Variants in KIAA0825 observed in about 807,000 individuals in gnomAD.
KIAA0825 encodes uncharacterized protein KIAA0825.
Under a neutral mutation model 147.6 loss-of-function variants are expected in KIAA0825, and 119 were observed. The observed-to-expected ratio is 0.81, with a 90% CI of 0.69 to 0.94. The LOEUF (loss-of-function observed/expected upper bound fraction) is 0.94, where lower values mean the gene tolerates loss of function less well. Among genes scored for constraint, KIAA0825 ranks in the 40% least tolerant of loss-of-function variants. KIAA0825 has a pLI of 0.00. For synonymous variants in KIAA0825, 470 were observed against 518.1 expected, an observed-to-expected ratio of 0.91 and a Z score of 1.26; for missense variants, 1,381 against 1,472.7, an observed-to-expected ratio of 0.94 and a Z score of 1.02.
intron 2 of KIAA0825, among the ~76,000 whole-genome samples, chr5:94,572,952 G>A (rs1271816996): frequency 1.3e-5 from 2 of 152,190 alleles, no homozygotes; most frequent in African/African-American, 2.4e-5. Context: ...AGCCAAATAT[G>A]AGTGACCATG....
intron 14 of KIAA0825, among the ~76,000 whole-genome samples, chr5:94,433,460 A>AG (rs1401794227): frequency 6.6e-6 from 1 of 152,342 alleles, no homozygotes; most frequent in African/African-American, 2.4e-5. Flanking sequence ...TACTATGAAA[A>AG]TTATCTACTA....
At chr5:94,384,346 C>G (rs1372071255) in intron 20 of KIAA0825, 22 bp downstream of exon 20, 3 of 1,541,218 alleles carry the variant, frequency 1.9e-6, no homozygotes, top group Non-Finnish European at 2.6e-6. Context: ...AACCAGACCC[C>G]CAAGGTCCCC....
intron 20 of KIAA0825, among the ~76,000 whole-genome samples, chr5:94,156,841 G>A (rs1767071507): frequency 6.6e-6 from 1 of 152,104 alleles, no homozygotes; most frequent in African/African-American, 2.4e-5. Context: ...TACTCATATT[G>A]AATGAAAGCA....
intron 12 of KIAA0825, among the ~76,000 whole-genome samples, chr5:94,459,533 G>A (rs768344717): frequency 3.3e-5 from 5 of 152,036 alleles, no homozygotes; most frequent in African/African-American, 7.2e-5. Context: ...CCATAACCTC[G>A]AAAGGCCTAA....
chr5:94,537,946 T>G (rs2151345674), intron 2 of KIAA0825, among the ~76,000 whole-genome samples: 1 of 152,320 alleles, frequency 6.6e-6, no homozygotes, highest in East Asian at 1.9e-4. Context: ...AACCTCAGCA[T>G]GGATACCTAA....
intron 2 of KIAA0825, among the ~76,000 whole-genome samples, chr5:94,550,710 C>T (rs906606093): frequency 7.9e-5 from 12 of 151,870 alleles, no homozygotes; most frequent in African/African-American, 2.2e-4. Flanking sequence ...GGCATGGTGG[C>T]GGGTGCCTGT....
At chr5:94,582,215 T>A (rs1333818438) in intron 2 of KIAA0825, among the ~76,000 whole-genome samples, 2 of 152,182 alleles carry the variant, frequency 1.3e-5, no homozygotes, top group Non-Finnish European at 2.9e-5. Flanking sequence ...TGCTGCAGTG[T>A]TGTGTAGAAG....
At chr5:94,508,365 T>C (rs73145045) in intron 5 of KIAA0825, among the ~76,000 whole-genome samples, 2,262 of 152,276 alleles carry the variant, frequency 0.015, 59 homozygotes, top group African/African-American at 0.052. Flanking sequence ...TTTAACAGTT[T>C]AATTTGGATA....
intron 18 of KIAA0825, among the ~76,000 whole-genome samples, chr5:94,387,828 C>T (rs1442845281): frequency 6.6e-6 from 1 of 152,128 alleles, no homozygotes; most frequent in Non-Finnish European, 1.5e-5. Flanking sequence ...AGAGGTAAAG[C>T]TGTGGGGAGG....
chr5:94,203,455 A>C (rs1771878889), intron 20 of KIAA0825, among the ~76,000 whole-genome samples: 1 of 152,238 alleles, frequency 6.6e-6, no homozygotes, highest in Admixed American at 6.5e-5. Context: ...CCATTTAAAA[A>C]GTGTTAATAT....
intron 20 of KIAA0825, among the ~76,000 whole-genome samples, chr5:94,239,567 C>T (rs114073403): frequency 8.5e-4 from 129 of 152,166 alleles, no homozygotes; most frequent in African/African-American, 2.9e-3. Context: ...CATTTTGCTA[C>T]TGCCTTACTC....
At chr5:94,344,658 G>C (rs1469964466) in intron 20 of KIAA0825, among the ~76,000 whole-genome samples, 1 of 152,168 alleles carries the variant, frequency 6.6e-6, no homozygotes, top group African/African-American at 2.4e-5. Flanking sequence ...AACCAAAGTT[G>C]TACAAGTTGT....
At chr5:94,614,288 G>A (rs918889081) in intron 1 of KIAA0825, among the ~76,000 whole-genome samples, 5 of 152,106 alleles carry the variant, frequency 3.3e-5, no homozygotes, top group African/African-American at 1.2e-4. Flanking sequence ...TCTGAGTGGT[G>A]GGGTCATGGG....
chr5:94,450,327 T>G (rs1214578990), intron 13 of KIAA0825, among the ~76,000 whole-genome samples: 2 of 148,790 alleles, frequency 1.3e-5, no homozygotes, highest in Non-Finnish European at 3.0e-5. Context: ...TTCCAATAAT[T>G]GTTAATTCCC....
chr5:94,617,062 T>C (rs1050820113), intron 1 of KIAA0825, among the ~76,000 whole-genome samples: 1 of 152,186 alleles, frequency 6.6e-6, no homozygotes, highest in Non-Finnish European at 1.5e-5. Context: ...ATAGAAATAA[T>C]ACAATTTTTG....
chr5:94,154,021 T>C lies in KIAA0825; in HGVS notation c.3814A>G (p.Ile1272Val), dbSNP rs574951491. The C allele has an allele frequency of 1.3e-6, 2 of 1,549,606 alleles. No homozygotes were observed. Among genetic ancestry groups the C allele is most frequent in the South Asian group, 1.2e-5 (1 of 83,998 alleles). The change falls in exon 21 of 21, where the codon ATA becomes GTA. Residue 1272 changes from isoleucine to valine, a missense_variant. Physicochemically the swap from Ile to Val is conservative, Grantham distance 29 (BLOSUM62 3). Transcript: ENST00000682413. ...TTTTCTGCAGATTACTGTTCCTCTA[T>C]GTTATCTGAGGCAGAAGAGTTCTGT... is the stretch of plus-strand genomic sequence containing the variant. ...TPQNSSASDN[I>V]EEQ
chr5:94,188,819 A>G (rs781383525), intron 20 of KIAA0825, among the ~76,000 whole-genome samples: 3 of 152,170 alleles, frequency 2.0e-5, no homozygotes, highest in African/African-American at 7.2e-5. Context: ...TGGAAAAAAT[A>G]TATTTAACTC....
chr5:94,583,424 G>A (rs984616833), intron 1 of KIAA0825, among the ~76,000 whole-genome samples: 1 of 152,166 alleles, frequency 6.6e-6, no homozygotes, highest in Non-Finnish European at 1.5e-5. Context: ...GTCTGAGATC[G>A]ACCTGGGATG....
At chr5:94,584,716 G>C (rs1249005495) in intron 1 of KIAA0825, among the ~76,000 whole-genome samples, 1 of 152,032 alleles carries the variant, frequency 6.6e-6, no homozygotes, top group Non-Finnish European at 1.5e-5. Flanking sequence ...CTCGAGAAGA[G>C]CAACCCCAAG....
Sources: allele counts gnomAD v4.1 joint callset (sites outside exome capture counted in the v4.1 genomes callset), GRCh38; gene constraint gnomAD v4.1.1; transcripts MANE v1.5; gene names NCBI Gene and HGNC (gene_info 2026-07-23, HGNC 2026-07-21).